The following PDZD2 variants were observed in gnomAD, a reference collection of about 807,000 sequenced individuals.
PDZD2 encodes PDZ domain-containing protein 2.
A neutral mutation model predicts 220.7 loss-of-function variants in PDZD2; 90 were observed. That is an observed-to-expected ratio of 0.41 (90% CI 0.34 to 0.49). The LOEUF (loss-of-function observed/expected upper bound fraction) is 0.49. Ranked by LOEUF, PDZD2 falls within the 20% of genes least tolerant of loss-of-function variation. The pLI is 0.28. For missense variants in PDZD2, 3,174 were observed against 3,608.5 expected (o/e 0.88, Z 3.08); for synonymous variants, 1,375 against 1,450.5 (o/e 0.95, Z 1.18).
intron 1 of PDZD2, among the ~76,000 whole-genome samples, chr5:31,779,788 A>G (rs532520950): frequency 6.6e-6 from 1 of 152,138 alleles, no homozygotes; most frequent in South Asian, 2.1e-4. Flanking sequence ...TAGGGAATGA[A>G]TTGGCCTCAG....
intron 1 of PDZD2, among the ~76,000 whole-genome samples, chr5:31,652,884 C>T (rs750781407): frequency 4.6e-5 from 7 of 152,112 alleles, no homozygotes; most frequent in African/African-American, 9.7e-5. Context: ...TGGTGGTACA[C>T]GCCTGTAGTC....
At chr5:31,926,917 A>G (rs901378768) in intron 2 of PDZD2, among the ~76,000 whole-genome samples, 8 of 152,354 alleles carry the variant, frequency 5.3e-5, no homozygotes, top group South Asian at 2.1e-4. Flanking sequence ...TGTCTTTTGC[A>G]GCAACATGGA....
At chr5:31,657,306 A>T (rs1176480713) in intron 1 of PDZD2, 1 of 152,322 alleles carries the variant, frequency 6.6e-6, no homozygotes, top group Non-Finnish European at 1.5e-5. Context: ...GCATGTGGTG[A>T]TTTGCAGCTG....
At chr5:31,761,379 T>C (rs1038575024) in intron 1 of PDZD2, among the ~76,000 whole-genome samples, 4 of 150,854 alleles carry the variant, frequency 2.7e-5, no homozygotes, top group Non-Finnish European at 4.4e-5. Context: ...ACGTGAGAAA[T>C]GTTCCAAAGC....
chr5:32,090,274 G>GGC lies in PDZD2; in HGVS notation c.6827_6828dup (p.Ile2277AlafsTer5). On this transcript the variant is annotated frameshift_variant, in exon 20 of 25. Coordinates refer to ENST00000438447, the MANE Select transcript of PDZD2 (RefSeq NM_178140.4). LOFTEE classifies it high-confidence loss of function. This position sits in a 1 kb window ranked among gnomAD's most constrained non-coding sequence, Gnocchi z 4.3. ...TCTTCCCAGCCTGGCTAATGGACAG[G>GGC]GCATATATAGTGTAAAGCCGCTGCT... is the stretch of plus-strand genomic sequence containing the variant. 1 of 1,614,156 alleles carries GGC rather than the reference G, an allele frequency of 6.2e-7. No homozygotes were observed. Among genetic ancestry groups the GGC allele is most frequent in the East Asian group, 2.2e-5 (1 of 44,884 alleles).
intron 2 of PDZD2, among the ~76,000 whole-genome samples, chr5:31,955,733 G>A (rs1213238578): frequency 1.4e-5 from 2 of 140,820 alleles, no homozygotes; most frequent in Non-Finnish European, 3.1e-5. Context: ...CAAAAGTTAG[G>A]TTATTTGCAG....
intron 6 of PDZD2, among the ~76,000 whole-genome samples, chr5:32,022,185 G>GTTTTTTTTTTTTTTTTTTTTTTT (rs145876120): frequency 7.4e-6 from 1 of 135,592 alleles, no homozygotes; most frequent in Non-Finnish European, 1.6e-5. Flanking sequence ...TTGTTTTTTT[G>GTTTTTTTTTTTTTTTTTTTTTTT]TTTTTTTGTT....
Position 31,758,326 on chromosome 5 carries a change from G to A in PDZD2, c.-360-40563G>A, listed in dbSNP as rs569769351. 2.6e-5 allele frequency among the ~76,000 whole-genome samples: 4 copies of A among 152,298 alleles called. No individual in the cohort carries two copies. The East Asian group carries it at 5.8e-4, about 22-fold the overall frequency. ...CCCAGTGACTGCTGGAAAGAGTGCC[G>A]ATGGCACTGGAGATGGAATGAGGGT... On this transcript the variant is annotated intron_variant, in intron 1 of 24. Transcript: ENST00000438447.
chr5:31,679,956 G>C (rs1746588639), intron 1 of PDZD2, among the ~76,000 whole-genome samples: 1 of 152,202 alleles, frequency 6.6e-6, no homozygotes, highest in African/African-American at 2.4e-5. Context: ...ACAGTTTGTA[G>C]AATTTTGTCA....
chr5:31,969,921 G>A (rs1005576077), intron 2 of PDZD2, among the ~76,000 whole-genome samples: 5 of 151,840 alleles, frequency 3.3e-5, no homozygotes, highest in Non-Finnish European at 5.9e-5. Flanking sequence ...TTTTTGAGAC[G>A]GAGTTTCGCT....
Position 31,742,870 on chromosome 5 carries a change from A to G in PDZD2, c.-360-56019A>G, listed in dbSNP as rs915747126. Among the ~76,000 whole-genome samples the G allele has an allele frequency of 7.9e-5, 12 of 152,140 alleles. 1 individual carries two copies. Among genetic ancestry groups the G allele is most frequent in the Non-Finnish European group, 7.3e-5 (5 of 68,032 alleles). On this transcript the variant is annotated intron_variant, in intron 1 of 24. Coordinates refer to ENST00000438447, the MANE Select transcript of PDZD2 (RefSeq NM_178140.4). The stretch of plus-strand genomic sequence containing the variant: ...TCTAAAAGCATTTGGCTTACCAACT[A>G]CTGCTGGAAGATGTGAATTAAATGA...
At chr5:31,687,520 C>T (rs1331734644) in intron 1 of PDZD2, among the ~76,000 whole-genome samples, 2 of 152,164 alleles carry the variant, frequency 1.3e-5, no homozygotes, top group Non-Finnish European at 1.5e-5. Context: ...CTCTTCTAGC[C>T]TCTGCCCATT....
At position 31,954,725 on chromosome 5, in the gene PDZD2, G is replaced by A. The variant is rs184679246; in HGVS notation, c.477-28430G>A. ...AGGCGGATCACGAGGTCAGGAGATC[G>A]AGACCATCCTGGCTAACATGGTGAA... On this transcript the variant is annotated intron_variant, in intron 2 of 24. Transcript: ENST00000438447. Among the ~76,000 whole-genome samples, 525 of 152,178 alleles carry A rather than the reference G, an allele frequency of 3.4e-3. 3 individuals are homozygous for A. Among genetic ancestry groups the A allele is most frequent in the African/African-American group, 0.012 (500 of 41,516 alleles).
At chr5:31,714,841 G>A (rs1210210875) in intron 1 of PDZD2, among the ~76,000 whole-genome samples, 1 of 151,988 alleles carries the variant, frequency 6.6e-6, no homozygotes, top group South Asian at 2.1e-4. Context: ...GGCAGATTAC[G>A]AGGTCAGGAG....
intron 1 of PDZD2, among the ~76,000 whole-genome samples, chr5:31,773,928 A>G (rs1400183154): frequency 2.0e-5 from 3 of 152,162 alleles, no homozygotes; most frequent in African/African-American, 7.2e-5. Context: ...CTTTACAGAC[A>G]TCAGGAATAG....
At chr5:31,703,957 T>TTCTCTCTCTTTC (rs1554064663) in intron 1 of PDZD2, among the ~76,000 whole-genome samples, 1 of 149,376 alleles carries the variant, frequency 6.7e-6, no homozygotes, top group Non-Finnish European at 1.5e-5. Context: ...TTCTCTCTCT[T>TTCTCTCTCTTTC]TCTCTCTCTC....
intron 14 of PDZD2, among the ~76,000 whole-genome samples, chr5:32,065,484 T>A: frequency 6.6e-6 from 1 of 152,216 alleles, no homozygotes. Flanking sequence ...ATGTGCCATA[T>A]CCGAGATTTC....
intron 14 of PDZD2, among the ~76,000 whole-genome samples, chr5:32,064,306 G>A (rs911999227): frequency 6.6e-6 from 1 of 151,634 alleles, no homozygotes; most frequent in Admixed American, 6.6e-5. Flanking sequence ...CAGTGGTGCA[G>A]TCTCAGCTCA....
At position 32,061,138 on chromosome 5, in the gene PDZD2, AG is replaced by A; in HGVS notation, c.2451+6del. 6.2e-7 allele frequency: 1 copy of A among 1,613,960 alleles called. No homozygotes were observed. Among genetic ancestry groups the A allele is most frequent in the Non-Finnish European group, 8.5e-7 (1 of 1,179,864 alleles). On this transcript the variant is annotated splice_donor_5th_base_variant and intron_variant, in intron 14 of 24. Coordinates refer to ENST00000438447, the MANE Select transcript of PDZD2 (RefSeq NM_178140.4). Reference sequence around the variant, plus strand: ...CGGCCGGCACCCTAATCCAAAGGTGAGGTGGTCCACCCTCTTCTGAACGTGG... The same window carrying A: ...CGGCCGGCACCCTAATCCAAAGGTGAGTGGTCCACCCTCTTCTGAACGTGG...
Sources: gnomAD v4.1 joint callset for allele counts (sites outside exome capture counted in the v4.1 genomes callset) on GRCh38, gnomAD v4.1.1 for gene constraint, Gnocchi (gnomAD v3.1) non-coding constraint, MANE v1.5 for transcripts, NCBI Gene and HGNC (gene_info 2026-07-23, HGNC 2026-07-21) for gene names.